PCDH15: variants seen among roughly 807,000 people sequenced by gnomAD.
The protein encoded by PCDH15 is protocadherin related 15.
A neutral mutation model predicts 178.5 loss-of-function variants in PCDH15; 129 were observed. That is an observed-to-expected ratio of 0.72 (90% CI 0.63 to 0.84). The LOEUF (loss-of-function observed/expected upper bound fraction) is 0.84. PCDH15 is among the 40% of genes least tolerant of loss of function. The probability of loss-of-function intolerance (pLI) is 0.00; values close to 1 mark genes in which losing one functional copy is unlikely to be tolerated. For synonymous variants in PCDH15, 800 were observed against 732.0 expected (o/e 1.09, Z -1.50); for missense variants, 2,230 against 2,099.9 (o/e 1.06, Z -1.21).
intron 15 of PCDH15, among the ~76,000 whole-genome samples, chr10:54,121,964 G>T (rs2132875594): frequency 6.7e-6 from 1 of 149,312 alleles, no homozygotes; most frequent in African/African-American, 2.5e-5. Flanking sequence ...ATTCTATGAA[G>T]CCAGCATCAC....
chr10:55,529,690 TATAA>T (rs1236782391), intron 2 of PCDH15, among the ~76,000 whole-genome samples: 1 of 145,180 alleles, frequency 6.9e-6, no homozygotes, highest in African/African-American at 2.5e-5. Context: ...CTTTAGGGAT[TATAA>T]ATAAATATAT....
intron 1 of PCDH15, among the ~76,000 whole-genome samples, chr10:55,214,470 G>A (rs1840649925): frequency 6.6e-6 from 1 of 150,766 alleles, no homozygotes; most frequent in Non-Finnish European, 1.5e-5. Context: ...TTTTTGTCCT[G>A]GTGGAATTAG....
chr10:54,524,833 C>G (rs2083223335), intron 3 of PCDH15, among the ~76,000 whole-genome samples: 1 of 152,114 alleles, frequency 6.6e-6, no homozygotes, highest in South Asian at 2.1e-4. Context: ...CTTAGTATTA[C>G]CAGCAATTGT....
At chr10:54,481,588 T>C (rs1359573779) in intron 3 of PCDH15, among the ~76,000 whole-genome samples, 3 of 151,810 alleles carry the variant, frequency 2.0e-5, no homozygotes, top group Non-Finnish European at 4.4e-5. Flanking sequence ...GTCTCACTAA[T>C]CTAGAGGCTA....
At chr10:55,278,917 A>C (rs1422947262) in intron 1 of PCDH15, among the ~76,000 whole-genome samples, 1 of 151,980 alleles carries the variant, frequency 6.6e-6, no homozygotes, top group East Asian at 1.9e-4. Context: ...GCAAACCCAC[A>C]CTCTAAAACA....
chr10:54,198,539 T>A, intron 10 of PCDH15, among the ~76,000 whole-genome samples: 1 of 58,616 alleles, frequency 1.7e-5, no homozygotes, highest in Non-Finnish European at 2.7e-5. Flanking sequence ...TCTCGCTCTG[T>A]CGCCCAGGCT....
chr10:54,889,241 T>C (rs1954417326), intron 3 of PCDH15, among the ~76,000 whole-genome samples: 2 of 151,878 alleles, frequency 1.3e-5, no homozygotes, highest in African/African-American at 2.4e-5. Context: ...CTCTTAATCA[T>C]GTATAACTTT....
chr10:54,731,772 G>T (rs1405586823), intron 1 of PCDH15, among the ~76,000 whole-genome samples: 2 of 150,442 alleles, frequency 1.3e-5, no homozygotes, highest in Non-Finnish European at 1.5e-5. Context: ...ATAGGAATTT[G>T]ATTATTGGGT....
intron 2 of PCDH15, among the ~76,000 whole-genome samples, chr10:54,972,414 C>T (rs1838956303): frequency 1.3e-5 from 2 of 151,918 alleles, no homozygotes. Context: ...GTGATAGGCA[C>T]CTATAAGCTC....
intron 2 of PCDH15, among the ~76,000 whole-genome samples, chr10:55,391,707 C>A (rs1035368311): frequency 2.0e-5 from 3 of 151,984 alleles, no homozygotes; most frequent in Non-Finnish European, 4.4e-5. Context: ...AGGCTGGTCT[C>A]AAACTCCTGA....
chr10:53,904,503 G>T (rs2082539379), intron 25 of PCDH15, among the ~76,000 whole-genome samples: 2 of 147,700 alleles, frequency 1.4e-5, no homozygotes, highest in African/African-American at 5.0e-5. Context: ...GGAAAGGTCA[G>T]ACAGAACAGT....
chr10:55,480,594 G>A (rs1347462462), intron 2 of PCDH15, among the ~76,000 whole-genome samples: 3 of 151,682 alleles, frequency 2.0e-5, no homozygotes, highest in African/African-American at 7.3e-5. Context: ...ATAACCATGT[G>A]TTTGTTTTCT....
chr10:54,798,799 A>G (rs1252591049), intron 1 of PCDH15, among the ~76,000 whole-genome samples: 1 of 152,078 alleles, frequency 6.6e-6, no homozygotes, highest in African/African-American at 2.4e-5. Flanking sequence ...TAAAATGTAA[A>G]TGTATATGGG....
At chr10:54,873,698 T>C (rs1954082304) in intron 3 of PCDH15, among the ~76,000 whole-genome samples, 1 of 145,302 alleles carries the variant, frequency 6.9e-6, no homozygotes, top group African/African-American at 2.5e-5. Flanking sequence ...CTGTATTTTA[T>C]ATATATATAT....
chr10:55,440,717 A>G (rs1281621690), intron 2 of PCDH15, among the ~76,000 whole-genome samples: 1 of 152,166 alleles, frequency 6.6e-6, no homozygotes, highest in African/African-American at 2.4e-5. Context: ...CACTCCGGGC[A>G]TGTATCAGTC....
At chr10:54,664,756 T>C (rs1034871014) in intron 1 of PCDH15, among the ~76,000 whole-genome samples, 1 of 151,954 alleles carries the variant, frequency 6.6e-6, no homozygotes, top group Non-Finnish European at 1.5e-5. Flanking sequence ...CATTAAAATG[T>C]TAATTCCTTT....
chr10:54,111,076 T>C (rs539361915), intron 15 of PCDH15, among the ~76,000 whole-genome samples: 21 of 152,316 alleles, frequency 1.4e-4, no homozygotes, highest in Middle Eastern at 3.4e-3. Context: ...TTGAGTATAC[T>C]TCACTAACAT....
At chr10:55,055,952 T>C (rs1317387780) in intron 2 of PCDH15, among the ~76,000 whole-genome samples, 1 of 152,234 alleles carries the variant, frequency 6.6e-6, no homozygotes, top group Non-Finnish European at 1.5e-5. Flanking sequence ...GAAAATAGTA[T>C]AACTTGAAGA....
chr10:55,375,798 C>CATTT (rs1837383470), intron 2 of PCDH15, among the ~76,000 whole-genome samples: 1 of 151,856 alleles, frequency 6.6e-6, no homozygotes, highest in African/African-American at 2.4e-5. Flanking sequence ...TTCTCTTTAG[C>CATTT]ATTTGCTCTT....
Sources: allele counts gnomAD v4.1 joint callset (sites outside exome capture counted in the v4.1 genomes callset), GRCh38; gene constraint gnomAD v4.1.1; transcripts MANE v1.5; gene names NCBI Gene and HGNC (gene_info 2026-07-23, HGNC 2026-07-21).